The following SLC22A15 variants were observed in gnomAD, a reference collection of about 807,000 sequenced individuals.
SLC22A15 encodes the protein flipt 1.
SLC22A15 carries 45 observed loss-of-function variants against 62.7 expected under a neutral mutation model. The ratio of observed to expected loss-of-function variants is 0.72; its 90% CI spans 0.56 to 0.92. SLC22A15 has a LOEUF of 0.92. SLC22A15 is among the 40% of genes least tolerant of loss of function. The pLI, the probability that SLC22A15 is intolerant of heterozygous loss-of-function variation, is 0.00. For missense variants in SLC22A15, 622 were observed against 665.6 expected, an observed-to-expected ratio of 0.93 and a Z score of 0.72; for synonymous variants, 264 against 267.0, an observed-to-expected ratio of 0.99 and a Z score of 0.11.
At chr1:116,027,467 A>C (rs1355528123) in intron 5 of SLC22A15, 12 of 452,448 alleles carry the variant, frequency 2.7e-5, no homozygotes, top group Non-Finnish European at 5.4e-5. Context: ...ACTCTGGAAG[A>C]GTCTTAGATA....
At chr1:116,044,305 A>C (rs1022537398) in intron 8 of SLC22A15, among the ~76,000 whole-genome samples, 3 of 152,248 alleles carry the variant, frequency 2.0e-5, no homozygotes, top group Admixed American at 6.5e-5. Flanking sequence ...TTAACATTTA[A>C]AAGCCAATTA....
At chr1:116,036,599 A>G (rs1426149049) in intron 7 of SLC22A15, among the ~76,000 whole-genome samples, 1 of 152,096 alleles carries the variant, frequency 6.6e-6, no homozygotes. Flanking sequence ...CTTATCCCCA[A>G]ACCAGGGATT....
intron 8 of SLC22A15, among the ~76,000 whole-genome samples, chr1:116,062,141 G>A (rs990465465): frequency 1.3e-5 from 2 of 152,140 alleles, no homozygotes; most frequent in African/African-American, 2.4e-5. Flanking sequence ...CCCAGGAGGC[G>A]GAGGTTGCAG....
intron 1 of SLC22A15, among the ~76,000 whole-genome samples, chr1:115,981,397 A>G (rs1051805077): frequency 2.0e-5 from 3 of 152,148 alleles, no homozygotes; most frequent in Admixed American, 1.3e-4. Flanking sequence ...TTTTATTTCA[A>G]TTAGCCCTCA....
rs1383167295 is a variant in SLC22A15 at position 116,062,725 on chromosome 1, C to T, written c.1172-37C>T. 13 of 1,612,460 alleles carry T rather than the reference C, an allele frequency of 8.1e-6. No homozygotes were observed. In the South Asian group the frequency reaches 1.3e-4, roughly 16 times the overall value. ...GTGCCATTTAGAGGAATTGTTTCAA[C>T]TGTGGGTCTCACAGGCATTGCCCTT... On this transcript the variant is annotated intron_variant, in intron 8 of 11. Transcript: ENST00000369503.
rs189324421 is a variant in SLC22A15 at position 115,986,010 on chromosome 1, A to T, written c.88-6021A>T. ...AAATACTTTGTTCAGAATTTTTTTT[A>T]AATTTATTTTTAAATCGAGGTGGAG... On this transcript the variant is annotated intron_variant, in intron 1 of 11. Coordinates refer to ENST00000369503, the MANE Select transcript of SLC22A15 (RefSeq NM_018420.3). Among the ~76,000 whole-genome samples the T allele has an allele frequency of 7.1e-3, 1,070 of 150,512 alleles. 7 individuals are homozygous for T. Among genetic ancestry groups the T allele is most frequent in the Non-Finnish European group, 0.012 (794 of 67,674 alleles).
intron 8 of SLC22A15, among the ~76,000 whole-genome samples, chr1:116,061,460 A>T (rs1658377108): frequency 6.6e-6 from 1 of 152,154 alleles, no homozygotes; most frequent in East Asian, 1.9e-4. Flanking sequence ...GCTGACCTTC[A>T]AGAGTAGGAA....
chr1:116,005,879 C>T (rs1570716044), intron 2 of SLC22A15, among the ~76,000 whole-genome samples: 1 of 152,150 alleles, frequency 6.6e-6, no homozygotes, highest in African/African-American at 2.4e-5. Context: ...TCTTGAATGC[C>T]TTCAATTTCA....
intron 4 of SLC22A15, among the ~76,000 whole-genome samples, chr1:116,025,119 G>C (rs556439144): frequency 1.3e-5 from 2 of 152,244 alleles, no homozygotes; most frequent in Middle Eastern, 3.4e-3. Context: ...AGAAAACTGA[G>C]GCTCGGGGAT....
intron 8 of SLC22A15, among the ~76,000 whole-genome samples, chr1:116,043,390 C>T (rs1432258481): frequency 5.3e-5 from 8 of 152,164 alleles, no homozygotes; most frequent in Non-Finnish European, 1.2e-4. Flanking sequence ...TGCACCACTG[C>T]ACTCTAGCCT....
At chr1:116,062,682 G>A in intron 8 of SLC22A15, 80 bp from the exon 9 acceptor site, 1 of 1,541,830 alleles carries the variant, frequency 6.5e-7, no homozygotes, top group South Asian at 1.1e-5. Context: ...AATGCCACCT[G>A]CTCCATCAAA....
At chr1:115,994,997 A>G (rs1655349490) in intron 2 of SLC22A15, among the ~76,000 whole-genome samples, 1 of 151,760 alleles carries the variant, frequency 6.6e-6, no homozygotes, top group Non-Finnish European at 1.5e-5. Context: ...TTTCTTTTAT[A>G]ACATTGATAT....
Position 115,991,323 on chromosome 1 carries a change from T to C in SLC22A15, c.88-708T>C, listed in dbSNP as rs529836789. 2.6e-5 allele frequency among the ~76,000 whole-genome samples: 4 copies of C among 152,292 alleles called. No individual in the cohort carries two copies. The South Asian group carries it at 6.2e-4, about 24-fold the overall frequency. On this transcript the variant is annotated intron_variant, in intron 1 of 11. Transcript: ENST00000369503. ...TTCTTGAATGAATGTGTGAAGTATATTTCTTGAATGAATGCGTGAAGTATA... is the reference window on the plus strand; with the variant it reads ...TTCTTGAATGAATGTGTGAAGTATACTTCTTGAATGAATGCGTGAAGTATA...
intron 8 of SLC22A15, among the ~76,000 whole-genome samples, chr1:116,059,096 A>T (rs1362343566): frequency 2.0e-5 from 3 of 152,198 alleles, no homozygotes; most frequent in African/African-American, 7.2e-5. Flanking sequence ...TACCTCAATA[A>T]ATTATGGAAA....
intron 6 of SLC22A15, among the ~76,000 whole-genome samples, chr1:116,033,569 G>GTA (rs1657516208): frequency 8.7e-6 from 1 of 115,054 alleles, no homozygotes; most frequent in Non-Finnish European, 1.8e-5. Context: ...GTGTGTGTGT[G>GTA]TGTGTGTGTG....
At chr1:116,027,941 A>G (rs1382237231) in intron 5 of SLC22A15, among the ~76,000 whole-genome samples, 1 of 152,190 alleles carries the variant, frequency 6.6e-6, no homozygotes, top group Non-Finnish European at 1.5e-5. Flanking sequence ...TTTAAGTGGT[A>G]TATGAAAGGC....
chr1:115,992,316 C>G, intron 2 of SLC22A15, 73 bp downstream of exon 2: 1 of 1,287,594 alleles, frequency 7.8e-7, no homozygotes, highest in Non-Finnish European at 1.1e-6. Context: ...TTTTGTCTTG[C>G]TGATTTAAAT....
intron 2 of SLC22A15, among the ~76,000 whole-genome samples, chr1:115,998,086 A>G (rs1655513503): frequency 6.6e-6 from 1 of 152,198 alleles, no homozygotes; most frequent in Non-Finnish European, 1.5e-5. Flanking sequence ...GATGTATCAC[A>G]TCAATTTACA....
intron 8 of SLC22A15, among the ~76,000 whole-genome samples, chr1:116,052,666 C>A (rs1658094319): frequency 6.6e-6 from 1 of 152,186 alleles, no homozygotes; most frequent in African/African-American, 2.4e-5. Flanking sequence ...CCAGTGGGGG[C>A]AGACTGACAC....
Sources: gnomAD v4.1 joint callset for allele counts (sites outside exome capture counted in the v4.1 genomes callset) on GRCh38, gnomAD v4.1.1 for gene constraint, MANE v1.5 for transcripts, NCBI Gene and HGNC (gene_info 2026-07-23, HGNC 2026-07-21) for gene names.